SKAP1: variants seen among roughly 807,000 people sequenced by gnomAD.
SKAP1 encodes src kinase-associated phosphoprotein 1.
A neutral mutation model predicts 58.5 loss-of-function variants in SKAP1; 44 were observed. The ratio of observed to expected loss-of-function variants is 0.75; its 90% CI spans 0.59 to 0.97. SKAP1 has a LOEUF of 0.97. Ranked by LOEUF, SKAP1 falls within the 50% of genes least tolerant of loss-of-function variation. The pLI, the probability that SKAP1 is intolerant of heterozygous loss-of-function variation, is 0.00. For missense variants in SKAP1, 390 were observed against 435.2 expected (o/e 0.90, Z 0.92); for synonymous variants, 127 against 149.7 (o/e 0.85, Z 1.11).
rs1491225488 is a variant in SKAP1, at chr17:48,140,779, T to TTC, written c.979-3443_979-3442insGA. The stretch of plus-strand genomic sequence containing the variant: ...TTCTTCTTTCTTCTTCTTCTTCTTC[T>TTC]TTTTTTTTTTTTTTTAAGATGGAGT... On this transcript the variant is annotated intron_variant, in intron 11 of 12. Transcript: ENST00000336915. 4.6e-4 allele frequency among the ~76,000 whole-genome samples: 14 copies of TTC among 30,318 alleles called. 1 individual carries two copies. In the East Asian group the frequency reaches 0.013, roughly 27 times the overall value. The allele number at this position is 30,318 out of a possible 152,430, so 19.9% of individuals were successfully genotyped here.
At chr17:48,168,932 A>C (rs567504848) in intron 10 of SKAP1, among the ~76,000 whole-genome samples, 2 of 152,372 alleles carry the variant, frequency 1.3e-5, no homozygotes, top group South Asian at 4.1e-4. Flanking sequence ...AGTAAACACA[A>C]ATAATAAAAA....
chr17:48,397,388 G>T (rs2067435283), intron 1 of SKAP1, among the ~76,000 whole-genome samples: 1 of 152,134 alleles, frequency 6.6e-6, no homozygotes, highest in Non-Finnish European at 1.5e-5. Context: ...GCCAAGCCCG[G>T]CTAATTTTTC....
intron 2 of SKAP1, among the ~76,000 whole-genome samples, chr17:48,366,046 G>A (rs2066997177): frequency 6.6e-6 from 1 of 152,112 alleles, no homozygotes; most frequent in Admixed American, 6.5e-5. Context: ...GCAGTTTAAA[G>A]GGTCCATAAA....
intron 4 of SKAP1, among the ~76,000 whole-genome samples, chr17:48,272,699 G>A (rs9905220): frequency 0.33 from 49,909 of 151,750 alleles, 8,901 homozygotes; most frequent in African/African-American, 0.47. Context: ...GGGACCACAG[G>A]TGTGCACCAC....
chr17:48,193,690 A>C (rs2064583165), intron 4 of SKAP1: 2 of 985,026 alleles, frequency 2.0e-6, no homozygotes, highest in African/African-American at 3.5e-5. Context: ...CTACTGATCA[A>C]GAACTAGTGA....
chr17:48,217,425 T>C (rs2064953812), intron 4 of SKAP1, among the ~76,000 whole-genome samples: 1 of 152,054 alleles, frequency 6.6e-6, no homozygotes, highest in South Asian at 2.1e-4. Context: ...GATGGGTGGA[T>C]TGCTTGAGCT....
intron 3 of SKAP1, among the ~76,000 whole-genome samples, chr17:48,359,995 A>T (rs1390806202): frequency 6.6e-6 from 1 of 152,162 alleles, no homozygotes; most frequent in South Asian, 2.1e-4. Context: ...ACAAAGTAGA[A>T]TTTTTTCATA....
At chr17:48,437,599 G>A in the SKAP1 span, among the ~76,000 whole-genome samples, 4 of 151,988 alleles carry the variant, frequency 2.6e-5, no homozygotes, top group South Asian at 4.2e-4. Context: ...AAAATTAGCC[G>A]GAAATGGTGG....
At position 48,148,910 on chromosome 17, in the gene SKAP1, C is replaced by T. The variant is rs187538612; in HGVS notation, c.979-11573G>A. Among the ~76,000 whole-genome samples, 152 of 152,266 alleles carry T rather than the reference C, an allele frequency of 1.0e-3. 2 individuals are homozygous for T. The highest frequency in any genetic ancestry group is 1.4e-3 in the Admixed American group (22 of 15,292). ...GGTAGGATAGAGTGGAATCATTCTC[C>T]AAAGAATTATTTTTATTAATCTCGA... On this transcript the variant is annotated intron_variant, in intron 11 of 12. Transcript: ENST00000336915.
intron 2 of SKAP1, among the ~76,000 whole-genome samples, chr17:48,364,664 G>A (rs192426844): frequency 6.6e-6 from 1 of 152,216 alleles, no homozygotes; most frequent in East Asian, 1.9e-4. Flanking sequence ...GACAGAGCGA[G>A]ACTCCATCTC....
At chr17:48,221,041 G>A (rs912855842) in intron 4 of SKAP1, among the ~76,000 whole-genome samples, 1 of 152,036 alleles carries the variant, frequency 6.6e-6, no homozygotes, top group Non-Finnish European at 1.5e-5. Context: ...GGCCAAGGCA[G>A]GCGGATAACG....
chr17:48,306,265 C>T (rs1224666950), intron 4 of SKAP1, among the ~76,000 whole-genome samples: 1 of 152,144 alleles, frequency 6.6e-6, no homozygotes, highest in Non-Finnish European at 1.5e-5. Flanking sequence ...ATCCCATTTT[C>T]TCTGGTCATT....
chr17:48,291,515 C>T (rs1392388555), intron 4 of SKAP1, among the ~76,000 whole-genome samples: 3 of 152,144 alleles, frequency 2.0e-5, no homozygotes, highest in Admixed American at 6.5e-5. Flanking sequence ...CAAACAGTAA[C>T]GCAGATTCCA....
intron 4 of SKAP1, among the ~76,000 whole-genome samples, chr17:48,328,357 A>C (rs2066464158): frequency 6.6e-6 from 1 of 152,214 alleles, no homozygotes; most frequent in Non-Finnish European, 1.5e-5. Flanking sequence ...CTCTTGAGAA[A>C]GATTAGATAT....
chr17:48,205,037 T>TTCTTTCTCTC (rs1567820039), intron 4 of SKAP1, among the ~76,000 whole-genome samples: 20 of 55,800 alleles, frequency 3.6e-4, no homozygotes, highest in African/African-American at 9.2e-4. Context: ...CTTTCTTTCT[T>TTCTTTCTCTC]TCTCTCTCTC....
chr17:48,234,089 A>C (rs2065154952), intron 4 of SKAP1, among the ~76,000 whole-genome samples: 1 of 152,174 alleles, frequency 6.6e-6, no homozygotes, highest in South Asian at 2.1e-4. Context: ...TTATTTATTT[A>C]TGCTTTAATG....
At chr17:48,334,440 T>C (rs958079933) in intron 4 of SKAP1, among the ~76,000 whole-genome samples, 2 of 151,974 alleles carry the variant, frequency 1.3e-5, no homozygotes, top group African/African-American at 4.8e-5. Context: ...AACTTTTTGG[T>C]GACCAAAGCA....
rs373516213 is a variant in SKAP1 at position 48,355,275 on chromosome 17, T to C, written c.178+8514A>G. ...CAATACTAATTTAAAATTGTTATTA[T>C]TTTTGTTTTGTTTTTGTTTTGAGAC... On this transcript the variant is annotated intron_variant, in intron 3 of 12. Transcript: ENST00000336915. Among the ~76,000 whole-genome samples, 106 of 152,296 alleles carry C rather than the reference T, an allele frequency of 7.0e-4. 2 individuals are homozygous for C. The South Asian group carries it at 0.021, about 30-fold the overall frequency.
In SKAP1 at chr17:48,133,701, G is replaced by A. The variant is rs1426004727; in HGVS notation, c.*123C>T. 1 of 152,500 alleles carries A rather than the reference G, an allele frequency of 6.6e-6. No homozygotes were observed. The highest frequency in any genetic ancestry group is 1.5e-5 in the Non-Finnish European group (1 of 68,032). 9.4% of individuals were successfully genotyped at this position (152,500 alleles called of 1,614,324 possible). A position where few individuals can be genotyped will look rare whatever the true frequency, so the allele number is the denominator to read the frequency against. On this transcript the variant is annotated 3_prime_UTR_variant, in exon 13 of 13. Transcript: ENST00000336915. ...TCACTCTGAGGTGTCAAGAGACTTG[G>A]GTCTCTTCAGCAAAGAGAGGAGTCC... is the stretch of plus-strand genomic sequence containing the variant.
Sources: allele counts gnomAD v4.1 joint callset (sites outside exome capture counted in the v4.1 genomes callset), GRCh38; gene constraint gnomAD v4.1.1; transcripts MANE v1.5; gene names NCBI Gene and HGNC (gene_info 2026-07-23, HGNC 2026-07-21).